The following HSPA5 variants were observed in gnomAD, a reference collection of about 807,000 sequenced individuals.
The protein encoded by HSPA5 is heat shock protein family A (Hsp70) member 5, also known as endoplasmic reticulum chaperone BiP.
HSPA5 carries 16 observed loss-of-function variants against 49.5 expected under a neutral mutation model. The ratio of observed to expected loss-of-function variants is 0.32; its 90% CI spans 0.22 to 0.49. HSPA5 has a LOEUF of 0.49. Ranked by LOEUF, HSPA5 falls within the 20% of genes least tolerant of loss-of-function variation. The pLI, the probability that HSPA5 is intolerant of heterozygous loss-of-function variation, is 0.99. For missense variants in HSPA5, 376 were observed against 819.0 expected, an observed-to-expected ratio of 0.46 and a Z score of 6.60; for synonymous variants, 271 against 307.2, an observed-to-expected ratio of 0.88 and a Z score of 1.23.
rs368045596 is a variant in HSPA5, at chr9:125,240,901, G to C, written c.129C>G (p.Gly43=). 6.2e-7 allele frequency: 1 copy of C among 1,613,986 alleles called. No individual in the cohort carries two copies. Among genetic ancestry groups the C allele is most frequent in the South Asian group, 1.1e-5 (1 of 91,090 alleles). The change falls in exon 2 of 8, where the codon GGC becomes GGG. Residue 43 remains glycine (G), a synonymous_variant. Transcript: ENST00000324460. The surrounding 1 kb of genome is among the most constrained non-coding windows in gnomAD (Gnocchi z 4.4). Reference sequence around the variant, plus strand: ...TCTCCACGCGGCCGTTCTTGAACACGCCGACGCTGGCAGAAAAACCCGACA... The same window carrying C: ...TCTCCACGCGGCCGTTCTTGAACACCCCGACGCTGGCAGAAAAACCCGACA... ...IDLGTTYSCV[G]VFKNGRVEII...
Position 125,235,143 on chromosome 9 carries a change from C to G in HSPA5, c.*1449G>C, listed in dbSNP as rs2131451150. ...GGTGTTGGGATCCAGTTCTACTAGC[C>G]CTAGAGAATTAACCTTTCAGCCAGT... On this transcript the variant is annotated 3_prime_UTR_variant, in exon 8 of 8. Coordinates refer to ENST00000324460, the MANE Select transcript of HSPA5 (RefSeq NM_005347.5). 6.6e-6 allele frequency: 1 copy of G among 152,002 alleles called. No individual in the cohort carries two copies. Among genetic ancestry groups the G allele is most frequent in the East Asian group, 1.9e-4 (1 of 5,176 alleles). 9.4% of individuals were successfully genotyped at this position (152,002 alleles called of 1,614,324 possible). A position where few individuals can be genotyped will look rare whatever the true frequency, so the allele number is the denominator to read the frequency against.
intron 7 of HSPA5, 32 bp downstream of exon 7, chr9:125,238,109 A>T: frequency 6.3e-7 from 1 of 1,577,116 alleles, no homozygotes; most frequent in Non-Finnish European, 8.7e-7. Flanking sequence ...CTCAAAAAAA[A>T]AGCCATGATA....
rs1588432134 is a variant in HSPA5 at position 125,241,216 on chromosome 9, G to A, written c.-90C>T. ...AATTTCCGACTTGCAGGCGGCAGGGGCCCGGGGTCACAAGGCGCCACGAAC... is the reference window on the plus strand; with the variant it reads ...AATTTCCGACTTGCAGGCGGCAGGGACCCGGGGTCACAAGGCGCCACGAAC... On this transcript the variant is annotated 5_prime_UTR_variant, in exon 1 of 8. Coordinates refer to ENST00000324460, the MANE Select transcript of HSPA5 (RefSeq NM_005347.5). 1.3e-6 allele frequency: 2 copies of A among 1,484,324 alleles called. No homozygotes were observed. The highest frequency in any genetic ancestry group is 9.0e-7 in the Non-Finnish European group (1 of 1,107,536). The allele number at this position is 1,484,324 out of a possible 1,614,324, so 91.9% of individuals were successfully genotyped here. A position where few individuals can be genotyped will look rare whatever the true frequency, so the allele number is the denominator to read the frequency against.
At position 125,239,340 on chromosome 9, in the gene HSPA5, T is replaced by C; in HGVS notation, c.606-9A>G. ...CAATAGCAGCTGCCGTACTATTAGA[T>C]TGAAAAAGGGAAAAGTTTTGTCAGT... On this transcript the variant is annotated splice_polypyrimidine_tract_variant and intron_variant, in intron 4 of 7. Transcript: ENST00000324460. This position sits in a 1 kb window ranked among gnomAD's most constrained non-coding sequence, Gnocchi z 5.5. 1.2e-6 allele frequency: 2 copies of C among 1,611,994 alleles called. No individual in the cohort carries two copies. The highest frequency in any genetic ancestry group is 8.5e-7 in the Non-Finnish European group (1 of 1,178,160).
At chr9:125,238,900 TAA>T (rs1433958139) in intron 5 of HSPA5, 39 bp downstream of exon 5, 2 of 1,604,812 alleles carry the variant, frequency 1.2e-6, no homozygotes, top group African/African-American at 2.7e-5. Context: ...ATTCAGAGTC[TAA>T]GGAGATCTCA....
chr9:125,238,724 C>T lies in HSPA5; in HGVS notation c.1100G>A (p.Arg367Gln). ...DEIVLVGGST[R>Q]IPKIQQLVKE... Reference sequence around the variant, plus strand: ...AACCAGTTGCTGAATCTTTGGAATTCGAGTCGAGCCACCAACAAGAACAAT... The same window carrying T: ...AACCAGTTGCTGAATCTTTGGAATTTGAGTCGAGCCACCAACAAGAACAAT... The change falls in exon 6 of 8, where the codon CGA (arginine) becomes CAA (glutamine). Residue 367 changes from arginine to glutamine, a missense_variant. Physicochemically the swap from Arg to Gln is conservative, Grantham distance 43. This residue lies in a region of HSPA5 where 89 missense variants were observed against 155.9 expected (regional missense o/e 0.57). Coordinates refer to ENST00000324460, the MANE Select transcript of HSPA5 (RefSeq NM_005347.5). 2 of 1,614,144 alleles carry T rather than the reference C, an allele frequency of 1.2e-6. No individual in the cohort carries two copies.
rs1588431973 is a variant in HSPA5, at chr9:125,241,087, T to C, written c.40A>G (p.Ser14Gly). 1 of 1,613,478 alleles carries C rather than the reference T, an allele frequency of 6.2e-7. No individual in the cohort carries two copies. The highest frequency in any genetic ancestry group is 1.3e-5 in the African/African-American group (1 of 75,040). ...SLVAAMLLLL[S>G]AARAEEEDKK... is the part of the protein sequence containing the mutation. ...TCCTCCTCCTCGGCCCGCGCCGCGC[T>C]GAGCAGCAGCAGCATCGCGGCCACC... The change falls in exon 1 of 8, where the codon AGC becomes GGC. Residue 14 changes from serine (S) to glycine (G), a missense_variant. Ser to Gly is a moderately conservative substitution (Grantham distance 56). This residue lies in a region of HSPA5 where 29 missense variants were observed against 38.7 expected (regional missense o/e 0.75). Transcript: ENST00000324460.
In HSPA5 at chr9:125,237,124, A is replaced by T; in HGVS notation, c.1433T>A (p.Leu478His). 6.2e-7 allele frequency: 1 copy of T among 1,609,906 alleles called. No homozygotes were observed. The highest frequency in any genetic ancestry group is 8.5e-7 in the Non-Finnish European group (1 of 1,177,784). ...TCCAGTCAGATCAAATGTACCCAGA[A>T]GATGATTGTCTTTTGTCAGGGGTCT... ...GERPLTKDNH[L>H]LGTFDLTGIP... The change falls in exon 8 of 8, where the codon CTT becomes CAT. Residue 478 changes from leucine (L) to histidine (H), a missense_variant. Coordinates refer to ENST00000324460, the MANE Select transcript of HSPA5 (RefSeq NM_005347.5).
At position 125,238,040 on chromosome 9, in the gene HSPA5, T is replaced by C. The variant is rs1446071067; in HGVS notation, c.1402+101A>G. On this transcript the variant is annotated intron_variant, in intron 7 of 7. Transcript: ENST00000324460. ...TCACTTGAACCCGGGAGACAGAATT[T>C]GCAGTGAGCCGAGATCGTGCCACTG... 3.5e-6 allele frequency: 3 copies of C among 857,844 alleles called. No individual in the cohort carries two copies. In the African/African-American group the frequency reaches 5.1e-5, roughly 14 times the overall value. 53.1% of individuals were successfully genotyped at this position (857,844 alleles called of 1,614,324 possible).
rs756372915 is a variant in HSPA5, at chr9:125,239,400, A to G, written c.605+21T>C. On this transcript the variant is annotated intron_variant, in intron 4 of 7. Coordinates refer to ENST00000324460, the MANE Select transcript of HSPA5 (RefSeq NM_005347.5). The surrounding 1 kb of genome is among the most constrained non-coding windows in gnomAD (Gnocchi z 5.5). ...TTCCACTATTTGGCAAATATGCCGT[A>G]TCCCTGAATTTCATACTTACGGCTC... 6 of 1,613,802 alleles carry G rather than the reference A, an allele frequency of 3.7e-6. No individual in the cohort carries two copies. In the African/African-American group the frequency reaches 6.7e-5, roughly 18 times the overall value.
chr9:125,236,469 G>A lies in HSPA5; in HGVS notation c.*123C>T, dbSNP rs781703382. ...GTAAACAGCCGCTTAGGCTATAGCA[G>A]TTTCAACTCCACTCTGAGGTGAAGA... is the stretch of plus-strand genomic sequence containing the variant. On this transcript the variant is annotated 3_prime_UTR_variant, in exon 8 of 8. Transcript: ENST00000324460. 1.4e-6 allele frequency: 1 copy of A among 690,836 alleles called. No homozygotes were observed. The allele number at this position is 690,836 out of a possible 1,614,324, so 42.8% of individuals were successfully genotyped here. A position where few individuals can be genotyped will look rare whatever the true frequency, so the allele number is the denominator to read the frequency against.
intron 7 of HSPA5, 114 bp from the exon 8 acceptor site, chr9:125,237,268 A>C (rs1386124960): frequency 4.1e-6 from 3 of 737,360 alleles, no homozygotes; most frequent in Non-Finnish European, 6.7e-6. Flanking sequence ...TATCGAGCTA[A>C]AAGTAATTTC....
In HSPA5 at chr9:125,239,370, C is replaced by G; in HGVS notation, c.606-39G>C. The stretch of plus-strand genomic sequence containing the variant: ...AAAGGGAAAAGTTTTGTCAGTACTT[C>G]ACATTTCCACTATTTGGCAAATATG... On this transcript the variant is annotated intron_variant, in intron 4 of 7. Transcript: ENST00000324460. The surrounding 1 kb of genome is among the most constrained non-coding windows in gnomAD (Gnocchi z 5.5). 1.2e-6 allele frequency: 2 copies of G among 1,613,544 alleles called. No individual in the cohort carries two copies. The highest frequency in any genetic ancestry group is 1.7e-6 in the Non-Finnish European group (2 of 1,179,462).
In HSPA5 at chr9:125,236,755, T is replaced by G. The variant is rs143920039; in HGVS notation, c.1802A>C (p.Lys601Thr). The G allele has an allele frequency of 3.7e-6, 6 of 1,613,628 alleles. No individual in the cohort carries two copies. In the Admixed American group the frequency reaches 8.3e-5, roughly 22 times the overall value. Residue 601 changes from lysine (K) to threonine (T), a missense_variant, in exon 8 of 8, where the codon AAG becomes ACG. Transcript: ENST00000324460. ...TTGGTGGCTTTCCAGCCATTCAATC[T>G]TTTCTTCTACAGCTTTTTCCATGGT... ...KETMEKAVEE[K>T]IEWLESHQDA...
chr9:125,238,050 C>T (rs151335037), intron 7 of HSPA5, 91 bp downstream of exon 7: 29 of 966,158 alleles, frequency 3.0e-5, no homozygotes, highest in Middle Eastern at 6.7e-4. Context: ...TGCAGTGAGC[C>T]GAGATCGTGC....
rs764080853 is a variant in HSPA5 at position 125,235,210 on chromosome 9, C to CT, written c.*1381dup. 0.019 allele frequency: 2,781 copies of CT among 143,092 alleles called. 150 individuals carry two copies. The East Asian group carries it at 0.22, about 11-fold the overall frequency. 8.9% of individuals were successfully genotyped at this position (143,092 alleles called of 1,614,324 possible). On this transcript the variant is annotated 3_prime_UTR_variant, in exon 8 of 8. Coordinates refer to ENST00000324460, the MANE Select transcript of HSPA5 (RefSeq NM_005347.5). ...ACCTATCCTTGGGCAGTATTGGATT[C>CT]TTTTTTTTTTTTTTGAGGTGGAGTC...
In HSPA5 at chr9:125,240,108, CAT is replaced by C. The variant is rs1832545305; in HGVS notation, c.492+62_492+63del. The C allele has an allele frequency of 7.3e-7, 1 of 1,362,428 alleles. No homozygotes were observed. The highest frequency in any genetic ancestry group is 1.0e-6 in the Non-Finnish European group (1 of 985,200). The allele number at this position is 1,362,428 out of a possible 1,614,324, so 84.4% of individuals were successfully genotyped here. On this transcript the variant is annotated intron_variant, in intron 3 of 7. Coordinates refer to ENST00000324460, the MANE Select transcript of HSPA5 (RefSeq NM_005347.5). The surrounding 1 kb of genome is among the most constrained non-coding windows in gnomAD (Gnocchi z 4.4). ...GAAACCCTTCACGAAGGCTTCTATACATAACAGCCAACCGAGAATACTAATGA... is the reference window on the plus strand; with the variant it reads ...GAAACCCTTCACGAAGGCTTCTATACAACAGCCAACCGAGAATACTAATGA...
Position 125,236,410 on chromosome 9 carries a change from C to T in HSPA5, c.*182G>A, listed in dbSNP as rs919082883. On this transcript the variant is annotated 3_prime_UTR_variant, in exon 8 of 8. Coordinates refer to ENST00000324460, the MANE Select transcript of HSPA5 (RefSeq NM_005347.5). ...GGCCAATTCTTCTTCTCCCCCCCACCCAAAGACATGTGAGCAACTGCTAAT... is the reference window on the plus strand; with the variant it reads ...GGCCAATTCTTCTTCTCCCCCCCACTCAAAGACATGTGAGCAACTGCTAAT... 4.0e-6 allele frequency: 2 copies of T among 498,164 alleles called. No homozygotes were observed. The highest frequency in any genetic ancestry group is 3.2e-5 in the East Asian group (1 of 30,924). The allele number at this position is 498,164 out of a possible 1,614,324, so 30.9% of individuals were successfully genotyped here. A position where few individuals can be genotyped will look rare whatever the true frequency, so the allele number is the denominator to read the frequency against.
rs781129972 is a variant in HSPA5, at chr9:125,239,398, G to T, written c.605+23C>A. 2.5e-6 allele frequency: 4 copies of T among 1,613,232 alleles called. No individual in the cohort carries two copies. Among genetic ancestry groups the T allele is most frequent in the East Asian group, 4.5e-5 (2 of 44,900 alleles). On this transcript the variant is annotated intron_variant, in intron 4 of 7. Transcript: ENST00000324460. This position sits in a 1 kb window ranked among gnomAD's most constrained non-coding sequence, Gnocchi z 5.5. Reference sequence around the variant, plus strand: ...ATTTCCACTATTTGGCAAATATGCCGTATCCCTGAATTTCATACTTACGGC... The same window carrying T: ...ATTTCCACTATTTGGCAAATATGCCTTATCCCTGAATTTCATACTTACGGC...
Sources: gnomAD v4.1 joint callset for allele counts on GRCh38, gnomAD v4.1.1 for gene constraint, gnomAD v4.1.1 regional missense constraint, Gnocchi (gnomAD v3.1) non-coding constraint, MANE v1.5 for transcripts, NCBI Gene and HGNC (gene_info 2026-07-23, HGNC 2026-07-21) for gene names.